MID1: variants seen among roughly 807,000 people sequenced by gnomAD.
MID1 encodes the protein midline 1.
In MID1, 7 loss-of-function variants were observed where a neutral mutation model predicts 40.4. The observed-to-expected ratio is 0.17, with a 90% confidence interval of 0.10 to 0.33. MID1 has a LOEUF of 0.33. Ranked by LOEUF, MID1 falls within the 10% of genes least tolerant of loss-of-function variation. MID1 has a pLI of 1.00. For synonymous variants in MID1, 229 were observed against 221.2 expected, an observed-to-expected ratio of 1.04 and a Z score of -0.31; for missense variants, 367 against 558.5, an observed-to-expected ratio of 0.66 and a Z score of 3.46.
At chrX:10,577,519 C>CA (rs1172848837) in intron 1 of MID1, among the ~76,000 whole-genome samples, 5 of 110,795 alleles carry the variant, frequency 4.5e-5, no homozygotes, top group Admixed American at 1.9e-4. Context: ...TTATTTCTTC[C>CA]AAAAATAGTG....
chrX:10,682,584 C>T (rs2043067631), intron 1 of MID1, among the ~76,000 whole-genome samples: 1 of 110,810 alleles, frequency 9.0e-6, no homozygotes, highest in South Asian at 3.8e-4. Flanking sequence ...TAATTTGACT[C>T]CAAATTAGTC....
intron 1 of MID1, among the ~76,000 whole-genome samples, chrX:10,643,900 C>G (rs1936232911): frequency 1.8e-5 from 2 of 110,969 alleles, no homozygotes; most frequent in South Asian, 7.7e-4. Flanking sequence ...CAAACTATCA[C>G]AAGGACAGAA....
intron 1 of MID1, among the ~76,000 whole-genome samples, chrX:10,788,883 TA>T (rs1215213194): frequency 1.8e-5 from 2 of 112,329 alleles, no homozygotes; most frequent in Non-Finnish European, 3.8e-5. Flanking sequence ...GTAATCCCAG[TA>T]TTTTGGGAGG....
chrX:10,667,474 T>C (rs2042958001), intron 1 of MID1, among the ~76,000 whole-genome samples: 1 of 111,887 alleles, frequency 8.9e-6, no homozygotes, highest in South Asian at 3.7e-4. Context: ...TGACTAGACA[T>C]AACAAATAAT....
At chrX:10,654,673 C>A (rs1002726424) in intron 1 of MID1, among the ~76,000 whole-genome samples, 1 of 112,385 alleles carries the variant, frequency 8.9e-6, no homozygotes, top group African/African-American at 3.2e-5. Context: ...AAGCCACAGA[C>A]TGGGACCGGT....
At chrX:10,715,019 C>T (rs2043291158) in intron 1 of MID1, among the ~76,000 whole-genome samples, 1 of 112,497 alleles carries the variant, frequency 8.9e-6, no homozygotes, top group South Asian at 3.7e-4. Flanking sequence ...ATTTAATTGG[C>T]ATGCAATAGA....
At chrX:10,559,269 T>A (rs1197954390) in intron 2 of MID1, among the ~76,000 whole-genome samples, 2 of 112,099 alleles carry the variant, frequency 1.8e-5, no homozygotes, top group Non-Finnish European at 1.9e-5. Context: ...AGTGTCCAAC[T>A]AAAGATAAAA....
At chrX:10,548,015 T>G (rs1007880785) in intron 2 of MID1, among the ~76,000 whole-genome samples, 1 of 112,053 alleles carries the variant, frequency 8.9e-6, no homozygotes, top group African/African-American at 3.2e-5. Flanking sequence ...CTTCTAAAAG[T>G]TGTAAGGCCA....
chrX:10,543,779 G>T (rs1933570531), intron 2 of MID1, among the ~76,000 whole-genome samples: 1 of 111,018 alleles, frequency 9.0e-6, no homozygotes, highest in Non-Finnish European at 1.9e-5. Flanking sequence ...GGAAGCAAAG[G>T]CTGCAGTGAG....
intron 1 of MID1, among the ~76,000 whole-genome samples, chrX:10,721,571 G>C (rs1400328168): frequency 9.0e-6 from 1 of 110,498 alleles, no homozygotes; most frequent in Non-Finnish European, 1.9e-5. Context: ...TATTTTCTAT[G>C]GTCATTCTGT....
rs1385742560 is a variant in MID1 at position 10,498,271 on chromosome X, AT to A, written c.757-2581del. On this transcript the variant is annotated intron_variant, in intron 3 of 9. Transcript: ENST00000317552. ...GGCATATGCCATGACTCCCGGCTAA[AT>A]TTTTTTAAAATGTATTTTTTTGTAG... Among the ~76,000 whole-genome samples the A allele has an allele frequency of 4.5e-5, 5 of 111,666 alleles. No homozygotes were observed. In the East Asian group the frequency reaches 1.4e-3, roughly 32 times the overall value.
At chrX:10,533,180 C>G (rs1395918396) in intron 2 of MID1, among the ~76,000 whole-genome samples, 3 of 109,740 alleles carry the variant, frequency 2.7e-5, no homozygotes, top group African/African-American at 9.9e-5. Context: ...GTATTGTTTA[C>G]TGTTGCTTTC....
chrX:10,508,446 TA>T lies in MID1; in HGVS notation c.757-12756del, dbSNP rs759130307. The stretch of plus-strand genomic sequence containing the variant: ...TTAATTTTACCTGATTATTTTTACT[TA>T]AAAAATGTGATTACTTGAAAATTTT... On this transcript the variant is annotated intron_variant, in intron 3 of 9. Coordinates refer to ENST00000317552, the MANE Select transcript of MID1 (RefSeq NM_000381.4). 3.5e-5 allele frequency among the ~76,000 whole-genome samples: 4 copies of T among 112,694 alleles called. No homozygotes were observed. The East Asian group carries it at 1.1e-3, about 31-fold the overall frequency.
chrX:10,730,429 A>G (rs2043436675), intron 1 of MID1, among the ~76,000 whole-genome samples: 1 of 111,572 alleles, frequency 9.0e-6, no homozygotes, highest in Non-Finnish European at 1.9e-5. Flanking sequence ...TAAAATTTGT[A>G]TAAATTTAAG....
intron 1 of MID1, among the ~76,000 whole-genome samples, chrX:10,649,054 AAATTAAT>A (rs2147573382): frequency 8.9e-6 from 1 of 112,257 alleles, no homozygotes; most frequent in South Asian, 3.7e-4. Context: ...AAGGAAATAT[AAATTAAT>A]AATTAGGAAA....
At chrX:10,453,964 G>A (rs1928500101) in intron 9 of MID1, among the ~76,000 whole-genome samples, 1 of 112,241 alleles carries the variant, frequency 8.9e-6, no homozygotes, top group African/African-American at 3.2e-5. Flanking sequence ...TTAGACCAGT[G>A]CCTGGCACAT....
At chrX:10,492,107 T>A (rs1196999258) in intron 4 of MID1, among the ~76,000 whole-genome samples, 1 of 111,816 alleles carries the variant, frequency 8.9e-6, no homozygotes, top group Non-Finnish European at 1.9e-5. Context: ...TTCCTTCTTT[T>A]GTGGCTTCAC....
intron 3 of MID1, among the ~76,000 whole-genome samples, chrX:10,516,614 G>A (rs1043148913): frequency 6.1e-4 from 39 of 64,020 alleles, no homozygotes; most frequent in African/African-American, 3.3e-3. Flanking sequence ...GTGTGTGCGC[G>A]CGCGCACGCG....
chrX:10,753,519 G>T (rs894090693), intron 1 of MID1, among the ~76,000 whole-genome samples: 5 of 109,937 alleles, frequency 4.5e-5, no homozygotes, highest in Admixed American at 9.8e-5. Flanking sequence ...TAAATAAGGT[G>T]ATTCTGTTTT....
Sources: allele counts gnomAD v4.1 joint callset (sites outside exome capture counted in the v4.1 genomes callset), GRCh38; gene constraint gnomAD v4.1.1; transcripts MANE v1.5; gene names NCBI Gene and HGNC (gene_info 2026-07-23, HGNC 2026-07-21).